FREM2: variants seen among roughly 807,000 people sequenced by gnomAD.
The protein encoded by FREM2 is FRAS1 related extracellular matrix 2.
A neutral mutation model predicts 219.9 loss-of-function variants in FREM2; 119 were observed. The observed-to-expected ratio is 0.54, with a 90% CI of 0.47 to 0.63. The LOEUF is 0.63. Among genes scored for constraint, FREM2 ranks in the 30% least tolerant of loss-of-function variants. The pLI, the probability that FREM2 is intolerant of heterozygous loss-of-function variation, is 0.00. For synonymous variants in FREM2, 1,562 were observed against 1,522.8 expected, an observed-to-expected ratio of 1.03 and a Z score of -0.60; for missense variants, 4,030 against 3,993.6, an observed-to-expected ratio of 1.01 and a Z score of -0.25.
At chr13:38,864,135 C>A in intron 15 of FREM2, 140 bp from the exon 16 acceptor site, 1 of 702,148 alleles carries the variant, frequency 1.4e-6, no homozygotes, top group Non-Finnish European at 2.5e-6. Flanking sequence ...GGCCTGGACA[C>A]CACTTTGATC....
chr13:38,740,410 G>A (rs1284696467), intron 2 of FREM2, among the ~76,000 whole-genome samples: 1 of 152,122 alleles, frequency 6.6e-6, no homozygotes, highest in Non-Finnish European at 1.5e-5. Flanking sequence ...TTAGCAATGT[G>A]TACACTATTA....
intron 2 of FREM2, among the ~76,000 whole-genome samples, chr13:38,747,761 C>T (rs1455625784): frequency 1.3e-5 from 2 of 152,142 alleles, no homozygotes; most frequent in Non-Finnish European, 2.9e-5. Flanking sequence ...GAAACAGTTA[C>T]TGATCAGGGT....
At chr13:38,771,332 A>G (rs775624395) in intron 4 of FREM2, among the ~76,000 whole-genome samples, 1 of 152,182 alleles carries the variant, frequency 6.6e-6, no homozygotes, top group African/African-American at 2.4e-5. Flanking sequence ...TCTCTTTTAA[A>G]CAAGCCCAGG....
intron 11 of FREM2, among the ~76,000 whole-genome samples, chr13:38,852,840 G>A (rs1463715952): frequency 1.3e-5 from 2 of 151,748 alleles, no homozygotes; most frequent in Admixed American, 1.3e-4. Flanking sequence ...AAGAAGCTAG[G>A]ACTACAGGCA....
At chr13:38,717,412 CTTTTTT>C (rs386378868) in intron 2 of FREM2, among the ~76,000 whole-genome samples, 1 of 90,146 alleles carries the variant, frequency 1.1e-5, no homozygotes, top group Non-Finnish European at 2.0e-5. Flanking sequence ...TACATAAGTA[CTTTTTT>C]TTTTTTTTTT....
intron 5 of FREM2, among the ~76,000 whole-genome samples, chr13:38,783,879 G>A (rs905435246): frequency 1.3e-5 from 2 of 152,142 alleles, no homozygotes; most frequent in Admixed American, 6.5e-5. Context: ...GGTGGATCAC[G>A]AGATCAGGAG....
At chr13:38,815,056 A>T (rs886205120) in intron 6 of FREM2, among the ~76,000 whole-genome samples, 2 of 151,902 alleles carry the variant, frequency 1.3e-5, no homozygotes, top group African/African-American at 4.8e-5. Context: ...TTGTTGTTCT[A>T]CCCCATTGTG....
intron 6 of FREM2, among the ~76,000 whole-genome samples, chr13:38,832,045 T>C (rs1876531357): frequency 6.6e-6 from 1 of 152,146 alleles, no homozygotes; most frequent in South Asian, 2.1e-4. Context: ...CCAGGGACAG[T>C]GGCTCACGCC....
intron 4 of FREM2, among the ~76,000 whole-genome samples, chr13:38,779,160 AAGTGGGAGTTAGACAATG>A (rs1179631660): frequency 2.0e-5 from 3 of 151,998 alleles, no homozygotes; most frequent in Non-Finnish European, 2.9e-5. Context: ...TCTCACTCAT[AAGTGGGAGTTAGACAATG>A]AGAACACAGG....
chr13:38,825,766 A>AC (rs1457361256), intron 6 of FREM2, among the ~76,000 whole-genome samples: 6 of 151,676 alleles, frequency 4.0e-5, no homozygotes, highest in Admixed American at 3.3e-4. Flanking sequence ...GCTACCTTTT[A>AC]CCCCCATCAC....
chr13:38,758,535 A>G (rs1248626374), intron 2 of FREM2, among the ~76,000 whole-genome samples: 3 of 152,114 alleles, frequency 2.0e-5, no homozygotes, highest in Non-Finnish European at 2.9e-5. Context: ...CATCTCCCGC[A>G]GTTGAATGCC....
intron 1 of FREM2, 50 bp from the exon 2 acceptor site, chr13:38,697,648 A>G (rs1401982154): frequency 1.9e-6 from 2 of 1,059,928 alleles, no homozygotes; most frequent in Non-Finnish European, 3.0e-6. Context: ...ATAATGAATC[A>G]TCAATTTTAC....
chr13:38,856,638 C>A (rs983802535), intron 12 of FREM2, among the ~76,000 whole-genome samples: 8 of 151,904 alleles, frequency 5.3e-5, no homozygotes, highest in African/African-American at 1.9e-4. Flanking sequence ...AAAACATATT[C>A]GAACCCACAA....
chr13:38,846,421 A>C, intron 6 of FREM2, 152 bp from the exon 7 acceptor site: 1 of 710,394 alleles, frequency 1.4e-6, no homozygotes, highest in Non-Finnish European at 2.4e-6. Context: ...AAAAGTTTAG[A>C]TTAAAGAGAT....
chr13:38,848,084 G>T (rs1023749472), intron 7 of FREM2, among the ~76,000 whole-genome samples: 1 of 152,122 alleles, frequency 6.6e-6, no homozygotes, highest in Non-Finnish European at 1.5e-5. Context: ...AATTTTAAAT[G>T]TCTCTATTTC....
Position 38,848,497 on chromosome 13 carries a change from A to G in FREM2, c.6206A>G (p.Asp2069Gly). Residue 2069 changes from aspartate to glycine, a missense_variant, in exon 8 of 24, where the codon GAT (aspartate) becomes GGT (glycine). This residue lies in a region of FREM2 where 3,102 missense variants were observed against 2,950.7 expected (regional missense o/e 1.05). Transcript: ENST00000280481. ...TATGTGGGCATCAGCCGTAATTTAG[A>G]TTTTGCACCTGGAGTCAACATGCAG... The part of the protein sequence containing the change: ...TDYVGISRNL[D>G]FAPGVNMQPV... The G allele has an allele frequency of 6.2e-7, 1 of 1,613,982 alleles. No individual in the cohort carries two copies. The highest frequency in any genetic ancestry group is 8.5e-7 in the Non-Finnish European group (1 of 1,179,938).
At position 38,687,325 on chromosome 13, in the gene FREM2, C is replaced by A. The variant is rs1161532652; in HGVS notation, c.-20C>A. On this transcript the variant is annotated 5_prime_UTR_variant, in exon 1 of 24. Coordinates refer to ENST00000280481, the MANE Select transcript of FREM2 (RefSeq NM_207361.6). ...TCGCATGCTCTCAGGCTGACCTGTC[C>A]AAGCCCGAACACCGGGACCATGCAC... 2 of 1,585,294 alleles carry A rather than the reference C, an allele frequency of 1.3e-6. No individual in the cohort carries two copies.
chr13:38,702,789 T>G (rs1566110370), intron 2 of FREM2, among the ~76,000 whole-genome samples: 2 of 152,158 alleles, frequency 1.3e-5, no homozygotes, highest in Non-Finnish European at 2.9e-5. Flanking sequence ...AGGCATGCAG[T>G]CTCAGTGAGT....
At chr13:38,797,079 T>TGTTG (rs1233997469) in intron 6 of FREM2, among the ~76,000 whole-genome samples, 1 of 152,056 alleles carries the variant, frequency 6.6e-6, no homozygotes, top group African/African-American at 2.4e-5. Flanking sequence ...GGTCTCTCTA[T>TGTTG]GTTGCCCAGG....
Sources: gnomAD v4.1 joint callset for allele counts (sites outside exome capture counted in the v4.1 genomes callset) on GRCh38, gnomAD v4.1.1 for gene constraint, gnomAD v4.1.1 regional missense constraint, MANE v1.5 for transcripts, NCBI Gene and HGNC (gene_info 2026-07-23, HGNC 2026-07-21) for gene names.